Variants in CCDC116 observed in about 807,000 individuals in gnomAD.
CCDC116 encodes the protein coiled-coil domain containing 116.
CCDC116 carries 24 observed loss-of-function variants against 29.4 expected under a neutral mutation model. That is an observed-to-expected ratio of 0.82 (90% CI 0.59 to 1.15). The LOEUF is 1.15. CCDC116 is among the 50% of genes most tolerant of loss of function. CCDC116 has a pLI of 0.00. For missense variants in CCDC116, 791 were observed against 804.0 expected (o/e 0.98, Z 0.20); for synonymous variants, 298 against 331.4 (o/e 0.90, Z 1.10).
intron 4 of CCDC116, 26 bp downstream of exon 4, chr22:21,635,292 TC>T: frequency 1.3e-6 from 2 of 1,566,762 alleles, no homozygotes; most frequent in South Asian, 1.1e-5. Context: ...AAGCCCAATG[TC>T]CCCAGCCCCT....
Position 21,633,108 on chromosome 22 carries a change from C to A in CCDC116, c.-62-12C>A. 7.9e-7 allele frequency: 1 copy of A among 1,272,164 alleles called. No homozygotes were observed. Among genetic ancestry groups the A allele is most frequent in the Non-Finnish European group, 1.1e-6 (1 of 892,938 alleles). The allele number at this position is 1,272,164 out of a possible 1,614,324, so 78.8% of individuals were successfully genotyped here. On this transcript the variant is annotated splice_polypyrimidine_tract_variant and intron_variant, in intron 1 of 4. Coordinates refer to ENST00000292779, the MANE Select transcript of CCDC116 (RefSeq NM_152612.3). ...ATTGGAGACCCTCAGGTTGTCTCCC[C>A]ACCCCACGCAGAGAGGAATGCGCAG...
rs755129218 is a variant in CCDC116 at position 21,634,517 on chromosome 22, A to G, written c.568A>G (p.Lys190Glu). Residue 190 changes from lysine to glutamate, a missense_variant, in exon 3 of 5, where the codon AAA becomes GAA. Coordinates refer to ENST00000292779, the MANE Select transcript of CCDC116 (RefSeq NM_152612.3). The stretch of plus-strand genomic sequence containing the variant: ...AGGCTCATTGCCACCTGTGAGGGAC[A>G]AACTCCTGCTGGAGAAGAACCTCAA... ...AQGSLPPVRD[K>E]LLLEKNLKRL... 1 of 1,612,644 alleles carries G rather than the reference A, an allele frequency of 6.2e-7. No homozygotes were observed. Among genetic ancestry groups the G allele is most frequent in the South Asian group, 1.1e-5 (1 of 91,048 alleles).
chr22:21,636,121 G>T (rs546760114), intron 4 of CCDC116, among the ~76,000 whole-genome samples: 2 of 152,228 alleles, frequency 1.3e-5, no homozygotes, highest in East Asian at 3.9e-4. Flanking sequence ...CCCAAACCCA[G>T]TTGTCAAGGC....
chr22:21,634,378 C>T lies in CCDC116; in HGVS notation c.429C>T (p.Cys143=), dbSNP rs915108530. The change falls in exon 3 of 5, where the codon TGC becomes TGT. Residue 143 remains cysteine, a synonymous_variant. Coordinates refer to ENST00000292779, the MANE Select transcript of CCDC116 (RefSeq NM_152612.3). ...GGCACCGTGTACGGCCGACCCTCTG[C>T]ACTGGACACCCCAACAACTACCCAT... The part of the protein sequence containing the change: ...VHRHRVRPTL[C]TGHPNNYPSS... 5 of 1,613,860 alleles carry T rather than the reference C, an allele frequency of 3.1e-6. No homozygotes were observed. The highest frequency in any genetic ancestry group is 4.2e-6 in the Non-Finnish European group (5 of 1,179,936).
Position 21,636,480 on chromosome 22 carries a change from A to G in CCDC116, c.1252A>G (p.Ile418Val). Residue 418 changes from isoleucine (I) to valine (V), a missense_variant, in exon 5 of 5, where the codon ATC becomes GTC. Ile to Val is a conservative substitution (Grantham distance 29, BLOSUM62 3). Coordinates refer to ENST00000292779, the MANE Select transcript of CCDC116 (RefSeq NM_152612.3). Reference sequence around the variant, plus strand: ...CACGAAGAAGAAGCCGCTGCCCTCCATCTCGTCGAAGTCCAGCATGTCTCA... The same window carrying G: ...CACGAAGAAGAAGCCGCTGCCCTCCGTCTCGTCGAAGTCCAGCATGTCTCA... Reference protein sequence around the residue: ...RFTKKKPLPSISSKSSMSHFS... With the variant: ...RFTKKKPLPSVSSKSSMSHFS... 1 of 1,613,882 alleles carries G rather than the reference A, an allele frequency of 6.2e-7. No homozygotes were observed. Among genetic ancestry groups the G allele is most frequent in the South Asian group, 1.1e-5 (1 of 91,084 alleles).
At chr22:21,635,413 C>T (rs753807612) in intron 4 of CCDC116, 147 bp downstream of exon 4, 1 of 775,352 alleles carries the variant, frequency 1.3e-6, no homozygotes, top group Non-Finnish European at 2.2e-6. Context: ...TGCACCTCAC[C>T]CTGCCCACGC....
At chr22:21,633,491 G>A (rs1355250093) in intron 2 of CCDC116, among the ~76,000 whole-genome samples, 1 of 152,144 alleles carries the variant, frequency 6.6e-6, no homozygotes, top group Non-Finnish European at 1.5e-5. Context: ...GGTGGACTGG[G>A]ACCCTAGAGT....
Position 21,634,414 on chromosome 22 carries a change from C to T in CCDC116, c.465C>T (p.Ser155=). 1.2e-6 allele frequency: 2 copies of T among 1,614,218 alleles called. No individual in the cohort carries two copies. The highest frequency in any genetic ancestry group is 1.7e-6 in the Non-Finnish European group (2 of 1,180,046). The change falls in exon 3 of 5, where the codon AGC becomes AGT. Residue 155 remains serine (S), a synonymous_variant. Coordinates refer to ENST00000292779, the MANE Select transcript of CCDC116 (RefSeq NM_152612.3). ...GHPNNYPSSS[S]SMSNCHSSLM... Reference sequence around the variant, plus strand: ...CCAACAACTACCCATCCAGCTCCAGCTCCATGTCCAACTGCCATAGCAGCC... The same window carrying T: ...CCAACAACTACCCATCCAGCTCCAGTTCCATGTCCAACTGCCATAGCAGCC...
At chr22:21,635,518 C>A in intron 4 of CCDC116, 1 of 703,182 alleles carries the variant, frequency 1.4e-6, no homozygotes, top group Non-Finnish European at 2.6e-6. Context: ...CTTCCTGCTA[C>A]CTTCTCCCTG....
chr22:21,633,219 A>G lies in CCDC116; in HGVS notation c.38A>G (p.Asp13Gly). The change falls in exon 2 of 5, where the codon GAT (aspartate) becomes GGT (glycine). Residue 13 changes from aspartate to glycine, a missense_variant. By Grantham distance (94) the Asp-to-Gly change is moderately conservative. Transcript: ENST00000292779. ...CGCCACCACTCGGGTTACCTGGCCG[A>G]TGACGAGGCCAGCCACTCCATGTGC... ...RCRHHSGYLA[D>G]DEASHSMCSA... 2 of 1,550,802 alleles carry G rather than the reference A, an allele frequency of 1.3e-6. No homozygotes were observed. The highest frequency in any genetic ancestry group is 3.4e-4 in the Middle Eastern group (2 of 5,880).
At chr22:21,635,666 G>C in intron 4 of CCDC116, 1 of 689,432 alleles carries the variant, frequency 1.5e-6, no homozygotes, top group Non-Finnish European at 2.7e-6. Context: ...ACTAACAGGT[G>C]CTCAAGGTCA....
chr22:21,634,408 C>T lies in CCDC116; in HGVS notation c.459C>T (p.Ser153=). 3 of 1,614,194 alleles carry T rather than the reference C, an allele frequency of 1.9e-6. No homozygotes were observed. The highest frequency in any genetic ancestry group is 2.5e-6 in the Non-Finnish European group (3 of 1,180,036). Residue 153 remains serine, a synonymous_variant, in exon 3 of 5, where the codon AGC becomes AGT. Transcript: ENST00000292779. ...CTGHPNNYPS[S]SSSMSNCHSS... ...GACACCCCAACAACTACCCATCCAGCTCCAGCTCCATGTCCAACTGCCATA... is the reference window on the plus strand; with the variant it reads ...GACACCCCAACAACTACCCATCCAGTTCCAGCTCCATGTCCAACTGCCATA...
chr22:21,634,068 G>A lies in CCDC116; in HGVS notation c.119G>A (p.Cys40Tyr). Residue 40 changes from cysteine (C) to tyrosine (Y), a missense_variant, in exon 3 of 5, where the codon TGC becomes TAC. By Grantham distance (194) the Cys-to-Tyr change is radical. Coordinates refer to ENST00000292779, the MANE Select transcript of CCDC116 (RefSeq NM_152612.3). ...KPLVPEMRPA[C>Y]KPGRVPHPPS... ...CTGGTCCCAGAAATGCGGCCAGCCT[G>A]CAAGCCGGGCCGTGTGCCACACCCA... The A allele has an allele frequency of 1.2e-6, 2 of 1,613,426 alleles. No individual in the cohort carries two copies. Among genetic ancestry groups the A allele is most frequent in the Non-Finnish European group, 1.7e-6 (2 of 1,179,662 alleles).
Position 21,634,503 on chromosome 22 carries a change from C to T in CCDC116, c.554C>T (p.Pro185Leu). 1 of 1,613,900 alleles carries T rather than the reference C, an allele frequency of 6.2e-7. No homozygotes were observed. The highest frequency in any genetic ancestry group is 8.5e-7 in the Non-Finnish European group (1 of 1,179,808). Residue 185 changes from proline (P) to leucine (L), a missense_variant, in exon 3 of 5, where the codon CCA becomes CTA. Transcript: ENST00000292779. ...DSDLGAQGSLPPVRDKLLLEK... is the reference protein window; with the variant it reads ...DSDLGAQGSLLPVRDKLLLEK... The stretch of plus-strand genomic sequence containing the variant: ...GACCTAGGTGCCCAAGGCTCATTGC[C>T]ACCTGTGAGGGACAAACTCCTGCTG...
At chr22:21,634,619 C>T (rs749038653) in intron 3 of CCDC116, 49 bp downstream of exon 3, 6 of 1,568,966 alleles carry the variant, frequency 3.8e-6, no homozygotes, top group Middle Eastern at 1.7e-4. Context: ...ATGGAGAGCC[C>T]AGGGCTAGGG....
chr22:21,636,204 G>A (rs891580781), intron 4 of CCDC116, among the ~76,000 whole-genome samples: 5 of 152,236 alleles, frequency 3.3e-5, no homozygotes, highest in East Asian at 3.8e-4. Context: ...GTGTGATGGC[G>A]AGGTGAGCAT....
intron 2 of CCDC116, among the ~76,000 whole-genome samples, 181 bp from the exon 3 acceptor site, chr22:21,633,841 G>A (rs1930649461): frequency 6.6e-6 from 1 of 152,190 alleles, no homozygotes; most frequent in African/African-American, 2.4e-5. Flanking sequence ...ACCTCAAGAG[G>A]GGCCATCTTG....
Position 21,634,872 on chromosome 22 carries a change from G to T in CCDC116, c.809G>T (p.Arg270Leu). 6.2e-7 allele frequency: 1 copy of T among 1,614,008 alleles called. No individual in the cohort carries two copies. The change falls in exon 4 of 5, where the codon CGA becomes CTA. Residue 270 changes from arginine to leucine, a missense_variant. Coordinates refer to ENST00000292779, the MANE Select transcript of CCDC116 (RefSeq NM_152612.3). ...GAACAGGAGCCAATCTTCCGCAAGC[G>T]AGAGTTCAATAAGGAGATCAAGTCA... ...PGEQEPIFRK[R>L]EFNKEIKSLL...
chr22:21,636,763 C>T lies in CCDC116; in HGVS notation c.1535C>T (p.Ser512Phe). The change falls in exon 5 of 5, where the codon TCC becomes TTC. Residue 512 changes from serine to phenylalanine, a missense_variant. Ser to Phe is a radical substitution (Grantham distance 155). Coordinates refer to ENST00000292779, the MANE Select transcript of CCDC116 (RefSeq NM_152612.3). ...LEESKRARQA[S>F]RLSTSHCSTE... ...GAGTCCAAAAGGGCCCGGCAGGCCT[C>T]CCGGCTCAGCACCTCCCACTGCAGC... 1.2e-6 allele frequency: 2 copies of T among 1,612,796 alleles called. No homozygotes were observed. Among genetic ancestry groups the T allele is most frequent in the Non-Finnish European group, 1.7e-6 (2 of 1,179,992 alleles).
Sources: gnomAD v4.1 joint callset for allele counts (sites outside exome capture counted in the v4.1 genomes callset) on GRCh38, gnomAD v4.1.1 for gene constraint, MANE v1.5 for transcripts, NCBI Gene and HGNC (gene_info 2026-07-23, HGNC 2026-07-21) for gene names.